The following MCTP1 variants were observed in gnomAD, a reference collection of about 807,000 sequenced individuals.
MCTP1 encodes multiple C2 and transmembrane domain-containing protein 1.
MCTP1 carries 69 observed loss-of-function variants against 120.6 expected under a neutral mutation model. The observed-to-expected ratio is 0.57, with a 90% CI of 0.47 to 0.70. The LOEUF is 0.70. Among genes scored for constraint, MCTP1 ranks in the 30% least tolerant of loss-of-function variants. The pLI is 0.00. For missense variants in MCTP1, 1,203 were observed against 1,248.8 expected (o/e 0.96, Z 0.55); for synonymous variants, 529 against 493.1 (o/e 1.07, Z -0.96).
intron 1 of MCTP1, among the ~76,000 whole-genome samples, chr5:95,246,731 C>G (rs1756835157): frequency 6.6e-6 from 1 of 152,178 alleles, no homozygotes; most frequent in South Asian, 2.1e-4. Context: ...TAACACCCCA[C>G]TGTCAATATT....
chr5:95,253,580 A>G (rs1757593274), intron 1 of MCTP1, among the ~76,000 whole-genome samples: 1 of 152,064 alleles, frequency 6.6e-6, no homozygotes, highest in South Asian at 2.1e-4. Flanking sequence ...AAAATGTATG[A>G]AAAGAGTGAC....
chr5:94,949,776 A>G (rs1031738923), intron 3 of MCTP1, among the ~76,000 whole-genome samples: 4 of 152,154 alleles, frequency 2.6e-5, no homozygotes, highest in Non-Finnish European at 5.9e-5. Context: ...ATGCATTTTC[A>G]TACTCTCAGT....
intron 1 of MCTP1, among the ~76,000 whole-genome samples, chr5:95,137,208 G>A (rs1469884234): frequency 1.3e-5 from 2 of 152,194 alleles, no homozygotes; most frequent in African/African-American, 4.8e-5. Context: ...GAGGAGGCAG[G>A]AAGCTTGCTT....
chr5:94,924,777 T>C (rs897133669), intron 6 of MCTP1, among the ~76,000 whole-genome samples: 1 of 152,168 alleles, frequency 6.6e-6, no homozygotes, highest in Non-Finnish European at 1.5e-5. Context: ...TATGATAAAG[T>C]TTCAGGAAAC....
chr5:94,932,909 A>T (rs529524502), intron 5 of MCTP1, among the ~76,000 whole-genome samples: 1 of 152,134 alleles, frequency 6.6e-6, no homozygotes, highest in South Asian at 2.1e-4. Flanking sequence ...CATAAAAAAG[A>T]ACCATGTCAG....
intron 1 of MCTP1, among the ~76,000 whole-genome samples, chr5:95,029,019 T>C (rs2194946): frequency 0.61 from 92,004 of 151,726 alleles, 31,137 homozygotes; most frequent in Non-Finnish European, 0.77. Context: ...ATTAGCCAGG[T>C]GTGGTGGTGC....
chr5:94,808,314 C>CG (rs1338604735), intron 17 of MCTP1, among the ~76,000 whole-genome samples: 1 of 152,066 alleles, frequency 6.6e-6, no homozygotes, highest in Non-Finnish European at 1.5e-5. Flanking sequence ...CCTAGCATAA[C>CG]GATAACCTTT....
intron 2 of MCTP1, among the ~76,000 whole-genome samples, chr5:95,008,944 C>T (rs529211075): frequency 1.8e-4 from 28 of 151,922 alleles, no homozygotes; most frequent in African/African-American, 6.5e-4. Flanking sequence ...TGGGAGGATT[C>T]CATGAACCCA....
chr5:95,010,852 G>T (rs1018575518), intron 2 of MCTP1, among the ~76,000 whole-genome samples: 4 of 152,164 alleles, frequency 2.6e-5, no homozygotes, highest in African/African-American at 9.7e-5. Flanking sequence ...AATTGTGGAG[G>T]CACAGGGAAT....
At chr5:95,052,241 T>C (rs1746151740) in intron 1 of MCTP1, among the ~76,000 whole-genome samples, 2 of 152,172 alleles carry the variant, frequency 1.3e-5, no homozygotes, top group African/African-American at 4.8e-5. Context: ...TCTAAACAAT[T>C]TAAACAGGTA....
At chr5:94,960,083 T>C (rs1012284721) in intron 2 of MCTP1, among the ~76,000 whole-genome samples, 5 of 151,998 alleles carry the variant, frequency 3.3e-5, no homozygotes, top group Admixed American at 1.3e-4. Context: ...TATAGACCAA[T>C]GGAACAGAAC....
intron 17 of MCTP1, among the ~76,000 whole-genome samples, chr5:94,835,617 G>A (rs1262552098): frequency 6.6e-6 from 1 of 152,208 alleles, no homozygotes; most frequent in African/African-American, 2.4e-5. Context: ...GCTTCTGGCA[G>A]TGCTATATCC....
Position 95,082,043 on chromosome 5 carries a change from A to G in MCTP1, c.721-64559T>C, listed in dbSNP as rs188784045. On this transcript the variant is annotated intron_variant, in intron 1 of 22. Transcript: ENST00000515393. ...AAGTCACTAACATTCCCATCGGTATAAAAACAATGTGTAGAAAAAAATTCC... is the reference window on the plus strand; with the variant it reads ...AAGTCACTAACATTCCCATCGGTATGAAAACAATGTGTAGAAAAAAATTCC... 6.0e-4 allele frequency among the ~76,000 whole-genome samples: 91 copies of G among 152,342 alleles called. 2 individuals are homozygous for G. Among genetic ancestry groups the G allele is most frequent in the African/African-American group, 1.9e-3 (79 of 41,578 alleles).
rs1282523530 is a variant in MCTP1 at position 94,917,097 on chromosome 5, GCTT to G, written c.1350+796_1350+798del. ...CTACTGAATAATTATGAAAAGCTGT[GCTT>G]CTTTTCTTCCTTTATTATTTTTTCT... On this transcript the variant is annotated intron_variant, in intron 8 of 22. Transcript: ENST00000515393. Among the ~76,000 whole-genome samples the G allele has an allele frequency of 3.3e-5, 5 of 152,260 alleles. No individual in the cohort carries two copies. In the East Asian group the frequency reaches 7.7e-4, roughly 23 times the overall value.
intron 19 of MCTP1, among the ~76,000 whole-genome samples, chr5:94,738,579 T>C (rs1045598550): frequency 2.6e-5 from 4 of 152,192 alleles, no homozygotes; most frequent in Non-Finnish European, 4.4e-5. Flanking sequence ...GTTTAAGACT[T>C]AACTCAAAGC....
Position 95,284,208 on chromosome 5 carries a change from C to T in MCTP1, c.368G>A (p.Arg123His). ...GGGGAGCAAATGCTCGCGGATCCGG[C>T]GGCGTAGCGTGGACCCCTGCTCGGC... Reference protein sequence around the residue: ...GRAEQGSTLRRRIREHLLPAV... With the variant: ...GRAEQGSTLRHRIREHLLPAV... Residue 123 changes from arginine to histidine, a missense_variant, in exon 1 of 23, where the codon CGC becomes CAC. Transcript: ENST00000515393. The surrounding 1 kb of genome is among the most constrained non-coding windows in gnomAD (Gnocchi z 5.2). The T allele has an allele frequency of 6.4e-7, 1 of 1,566,060 alleles. No homozygotes were observed.
At chr5:94,915,122 T>G (rs1809713491) in intron 8 of MCTP1, among the ~76,000 whole-genome samples, 1 of 152,220 alleles carries the variant, frequency 6.6e-6, no homozygotes, top group Admixed American at 6.5e-5. Flanking sequence ...GCTGCCAACT[T>G]ATATAGAGCT....
intron 1 of MCTP1, among the ~76,000 whole-genome samples, chr5:95,217,448 TA>T (rs778256843): frequency 1.1e-4 from 17 of 152,220 alleles, no homozygotes; most frequent in Non-Finnish European, 2.2e-4. Context: ...TAACTATAGA[TA>T]ACTATATTTC....
intron 2 of MCTP1, among the ~76,000 whole-genome samples, chr5:94,982,884 C>CAAAAAAA (rs34561115): frequency 4.5e-4 from 13 of 28,620 alleles, no homozygotes; most frequent in South Asian, 4.6e-3. Context: ...CACACTTCAT[C>CAAAAAAA]AAAAAAAAAA....
Sources: gnomAD v4.1 joint callset for allele counts (sites outside exome capture counted in the v4.1 genomes callset) on GRCh38, gnomAD v4.1.1 for gene constraint, Gnocchi (gnomAD v3.1) non-coding constraint, MANE v1.5 for transcripts, NCBI Gene and HGNC (gene_info 2026-07-23, HGNC 2026-07-21) for gene names.